The following MYT1 variants were observed in gnomAD, a reference collection of about 807,000 sequenced individuals.
The protein encoded by MYT1 is myelin transcription factor 1.
Under a neutral mutation model 123.0 loss-of-function variants are expected in MYT1, and 23 were observed. That is an observed-to-expected ratio of 0.19 (90% CI 0.13 to 0.26). The LOEUF is 0.26. Ranked by LOEUF, MYT1 falls within the 10% of genes least tolerant of loss-of-function variation. The pLI is 1.00. For missense variants in MYT1, 1,125 were observed against 1,472.5 expected, an observed-to-expected ratio of 0.76 and a Z score of 3.86; for synonymous variants, 518 against 575.3, an observed-to-expected ratio of 0.90 and a Z score of 1.43.
rs1440064487 is a variant in MYT1, at chr20:64,202,042, C to A, written c.86+2120C>A. 6.6e-6 allele frequency among the ~76,000 whole-genome samples: 1 copy of A among 151,266 alleles called. No homozygotes were observed. Among genetic ancestry groups the A allele is most frequent in the Non-Finnish European group, 1.5e-5 (1 of 67,734 alleles). On this transcript the variant is annotated intron_variant, in intron 4 of 22. Transcript: ENST00000328439. The surrounding 1 kb of genome is among the most constrained non-coding windows in gnomAD (Gnocchi z 5.0). ...TCGCGTGTCGGGAACCCCCGCGTGT[C>A]GGGAACCTCTGCGTGTCGGGAACCC...
chr20:64,217,581 C>T (rs1182997563), intron 11 of MYT1, among the ~76,000 whole-genome samples: 1 of 152,258 alleles, frequency 6.6e-6, no homozygotes, highest in African/African-American at 2.4e-5. Flanking sequence ...TGTCCAAAGA[C>T]TTCAGAGCAA....
intron 7 of MYT1, among the ~76,000 whole-genome samples, chr20:64,210,261 A>G (rs1983626186): frequency 1.3e-5 from 2 of 152,246 alleles, no homozygotes; most frequent in African/African-American, 4.8e-5. Flanking sequence ...ACAGGTGGCC[A>G]AGCTGAGAAC....
intron 21 of MYT1, among the ~76,000 whole-genome samples, chr20:64,238,889 C>A (rs1568724135): frequency 6.6e-6 from 1 of 152,194 alleles, no homozygotes; most frequent in Admixed American, 6.5e-5. Context: ...GTGACTGGTG[C>A]CCTCTGCGGA....
chr20:64,230,826 GA>G (rs1984298463), intron 18 of MYT1, among the ~76,000 whole-genome samples: 1 of 152,242 alleles, frequency 6.6e-6, no homozygotes, highest in African/African-American at 2.4e-5. Flanking sequence ...GTAACAAAGG[GA>G]AAAGAACCAA....
In MYT1 at chr20:64,190,188, G is replaced by C. The variant is rs889622337; in HGVS notation, c.-1+28G>C. On this transcript the variant is annotated intron_variant, in intron 2 of 22. Transcript: ENST00000328439. The surrounding 1 kb of genome is among the most constrained non-coding windows in gnomAD (Gnocchi z 4.1). The stretch of plus-strand genomic sequence containing the variant: ...GAGACGTGAGAGGGCAGCCCCTGTC[G>C]TAGGGCCCCACCCCATGGCTGCCTG... The C allele has an allele frequency of 6.5e-6, 1 of 152,688 alleles. No individual in the cohort carries two copies. The highest frequency in any genetic ancestry group is 1.5e-5 in the Non-Finnish European group (1 of 68,128). 9.5% of individuals were successfully genotyped at this position (152,688 alleles called of 1,614,324 possible).
At chr20:64,187,349 C>A (rs1199307614) in intron 1 of MYT1, among the ~76,000 whole-genome samples, 1 of 143,818 alleles carries the variant, frequency 7.0e-6, no homozygotes, top group African/African-American at 2.6e-5. Context: ...TTCCTGTAGC[C>A]TGTGGCCCCG....
chr20:64,235,966 C>G (rs557037450), intron 19 of MYT1, among the ~76,000 whole-genome samples: 1 of 136,622 alleles, frequency 7.3e-6, no homozygotes, highest in Admixed American at 7.3e-5. Flanking sequence ...GGTGGGTGAC[C>G]CTGGGATGGC....
intron 13 of MYT1, among the ~76,000 whole-genome samples, chr20:64,221,090 T>C (rs1255217308): frequency 3.3e-5 from 5 of 152,196 alleles, no homozygotes; most frequent in Non-Finnish European, 5.9e-5. Flanking sequence ...GCTGTGGGCT[T>C]CACGGGCATT....
intron 1 of MYT1, among the ~76,000 whole-genome samples, chr20:64,187,059 G>A (rs1420409906): frequency 9.7e-5 from 14 of 144,940 alleles, no homozygotes; most frequent in South Asian, 4.4e-4. Flanking sequence ...CCACGTTTCC[G>A]TGGAGACTTT....
chr20:64,185,860 A>C lies in MYT1; in HGVS notation c.-98-4203A>C, dbSNP rs1982784163. 6.6e-6 allele frequency among the ~76,000 whole-genome samples: 1 copy of C among 152,020 alleles called. No individual in the cohort carries two copies. The highest frequency in any genetic ancestry group is 2.4e-5 in the African/African-American group (1 of 41,394). Reference sequence around the variant, plus strand: ...CTCCTTGCCATGACGACAGAAGGAAACCTTGGGGTAGGCCAGCAGCACTTC... The same window carrying C: ...CTCCTTGCCATGACGACAGAAGGAACCCTTGGGGTAGGCCAGCAGCACTTC... On this transcript the variant is annotated intron_variant, in intron 1 of 22. Coordinates refer to ENST00000328439, the MANE Select transcript of MYT1 (RefSeq NM_004535.3). The surrounding 1 kb of genome is among the most constrained non-coding windows in gnomAD (Gnocchi z 4.5).
chr20:64,237,129 G>C (rs1984575508), intron 20 of MYT1, among the ~76,000 whole-genome samples, 158 bp from the exon 21 acceptor site: 1 of 152,208 alleles, frequency 6.6e-6, no homozygotes, highest in African/African-American at 2.4e-5. Context: ...CGCATAATGT[G>C]GGGTATGAGC....
intron 19 of MYT1, among the ~76,000 whole-genome samples, chr20:64,236,170 G>A (rs866259021): frequency 9.0e-5 from 11 of 122,412 alleles, no homozygotes; most frequent in South Asian, 2.7e-4. Context: ...TGGGCTGGCC[G>A]TGGTGGGTGA....
At position 64,212,430 on chromosome 20, in the gene MYT1, C is replaced by T. The variant is rs186922304; in HGVS notation, c.1517+292C>T. ...GGTACAAGGTCAGGGCACACCTGGGCGGTGAGGGGCCTTTGTGAGGGCAGA... is the reference window on the plus strand; with the variant it reads ...GGTACAAGGTCAGGGCACACCTGGGTGGTGAGGGGCCTTTGTGAGGGCAGA... On this transcript the variant is annotated intron_variant, in intron 9 of 22. Coordinates refer to ENST00000328439, the MANE Select transcript of MYT1 (RefSeq NM_004535.3). This position sits in a 1 kb window ranked among gnomAD's most constrained non-coding sequence, Gnocchi z 6.8. 4.1e-4 allele frequency among the ~76,000 whole-genome samples: 63 copies of T among 152,210 alleles called. No individual in the cohort carries two copies. Among genetic ancestry groups the T allele is most frequent in the Non-Finnish European group, 7.5e-4 (51 of 67,992 alleles).
chr20:64,194,154 A>G (rs1446163590), intron 2 of MYT1, among the ~76,000 whole-genome samples: 3 of 152,198 alleles, frequency 2.0e-5, no homozygotes, highest in Non-Finnish European at 4.4e-5. Context: ...TGGAGGAGAG[A>G]CAATGACCTT....
chr20:64,218,949 G>A lies in MYT1; in HGVS notation c.1885G>A (p.Ala629Thr). 1 of 1,613,454 alleles carries A rather than the reference G, an allele frequency of 6.2e-7. No homozygotes were observed. The highest frequency in any genetic ancestry group is 8.5e-7 in the Non-Finnish European group (1 of 1,180,016). The change falls in exon 12 of 23, where the codon GCT (alanine) becomes ACT (threonine). Residue 629 changes from alanine to threonine, a missense_variant. Physicochemically the swap from Ala to Thr is moderately conservative, Grantham distance 58 (BLOSUM62 0). Transcript: ENST00000328439. The surrounding 1 kb of genome is among the most constrained non-coding windows in gnomAD (Gnocchi z 4.0). ...YSQDAEAAHM[A>T]ATAILNLSTR... The stretch of plus-strand genomic sequence containing the variant: ...GCAGGACGCCGAGGCTGCACACATG[G>A]CTGCCACTGCCATCCTGAACCTCTC...
intron 1 of MYT1, among the ~76,000 whole-genome samples, chr20:64,173,695 TTCC>T (rs1982366053): frequency 3.5e-5 from 3 of 86,420 alleles, no homozygotes; most frequent in East Asian, 5.2e-4. Flanking sequence ...TGCAGCATCT[TTCC>T]TTGTAGTTGT....
chr20:64,228,052 C>A, intron 18 of MYT1, 81 bp downstream of exon 18: 1 of 1,338,940 alleles, frequency 7.5e-7, no homozygotes, highest in Non-Finnish European at 1.0e-6. Flanking sequence ...AAAACTCCTA[C>A]TAGATTCCCT....
rs1984321513 is a variant in MYT1 at position 64,231,586 on chromosome 20, C to T, written c.2676-578C>T. ...GCGTTCTTCCTTCTAGAACATAGAT[C>T]TCAGTGGTGGCAAAGCTGCAACATC... is the stretch of plus-strand genomic sequence containing the variant. On this transcript the variant is annotated intron_variant, in intron 18 of 22. Coordinates refer to ENST00000328439, the MANE Select transcript of MYT1 (RefSeq NM_004535.3). The surrounding 1 kb of genome is among the most constrained non-coding windows in gnomAD (Gnocchi z 6.4). 6.6e-6 allele frequency among the ~76,000 whole-genome samples: 1 copy of T among 152,240 alleles called. No individual in the cohort carries two copies. The highest frequency in any genetic ancestry group is 1.5e-5 in the Non-Finnish European group (1 of 68,038).
rs1380874843 is a variant in MYT1, at chr20:64,212,557, T to G, written c.1517+419T>G. Reference sequence around the variant, plus strand: ...CTGCAGAGGAGGGAGCAATGCACCCTCTGTGAAGAGAGGTACAACAACCAT... The same window carrying G: ...CTGCAGAGGAGGGAGCAATGCACCCGCTGTGAAGAGAGGTACAACAACCAT... On this transcript the variant is annotated intron_variant, in intron 9 of 22. Transcript: ENST00000328439. This position sits in a 1 kb window ranked among gnomAD's most constrained non-coding sequence, Gnocchi z 6.8. Among the ~76,000 whole-genome samples, 1 of 152,084 alleles carries G rather than the reference T, an allele frequency of 6.6e-6. No individual in the cohort carries two copies. The highest frequency in any genetic ancestry group is 2.4e-5 in the African/African-American group (1 of 41,400).
Sources: gnomAD v4.1 joint callset for allele counts (sites outside exome capture counted in the v4.1 genomes callset) on GRCh38, gnomAD v4.1.1 for gene constraint, Gnocchi (gnomAD v3.1) non-coding constraint, MANE v1.5 for transcripts, NCBI Gene and HGNC (gene_info 2026-07-23, HGNC 2026-07-21) for gene names.